Variants in KCNIP4 observed in about 807,000 individuals in gnomAD.
KCNIP4 encodes potassium voltage-gated channel interacting protein 4, also known as Kv channel-interacting protein 4.
Under a neutral mutation model 34.0 loss-of-function variants are expected in KCNIP4, and 12 were observed. The observed-to-expected ratio is 0.35, with a 90% confidence interval of 0.23 to 0.57. The LOEUF is 0.57. Ranked by LOEUF, KCNIP4 falls within the 20% of genes least tolerant of loss-of-function variation. The probability of loss-of-function intolerance (pLI) is 0.83; values close to 1 mark genes in which losing one functional copy is unlikely to be tolerated. For missense variants in KCNIP4, 238 were observed against 311.7 expected (o/e 0.76, Z 1.78); for synonymous variants, 124 against 102.2 (o/e 1.21, Z -1.29).
intron 1 of KCNIP4, among the ~76,000 whole-genome samples, chr4:20,923,060 G>C (rs550133518): frequency 9.7e-4 from 147 of 152,256 alleles, no homozygotes; most frequent in Non-Finnish European, 1.7e-3. Context: ...CAAAGGGAGT[G>C]ATTTGTCAAA....
intron 1 of KCNIP4, among the ~76,000 whole-genome samples, chr4:21,273,405 G>A (rs1762267239): frequency 6.6e-6 from 1 of 152,016 alleles, no homozygotes; most frequent in Admixed American, 6.6e-5. Flanking sequence ...CTTCCCTCCT[G>A]TATTATCCTA....
intron 2 of KCNIP4, among the ~76,000 whole-genome samples, chr4:20,874,683 C>CTTT (rs200107431): frequency 7.2e-6 from 1 of 138,434 alleles, no homozygotes; most frequent in Admixed American, 7.3e-5. Context: ...CACTTCATCT[C>CTTT]TTTTTTTTTT....
chr4:20,749,765 AG>A, intron 4 of KCNIP4, 33 bp from the exon 5 acceptor site: 1 of 1,455,214 alleles, frequency 6.9e-7, no homozygotes, highest in Non-Finnish European at 9.6e-7. Context: ...TCATTAAGTC[AG>A]TGTTTCCATA....
intron 1 of KCNIP4, among the ~76,000 whole-genome samples, chr4:21,346,215 T>TTA (rs200500839): frequency 0.28 from 1,786 of 6,404 alleles, 223 homozygotes; most frequent in Middle Eastern, 0.5. Flanking sequence ...ATAATATATA[T>TTA]TATATATAAT....
chr4:21,762,887 G>C (rs753836749), intron 1 of KCNIP4: 1 of 1,258,352 alleles, frequency 7.9e-7, no homozygotes, highest in Admixed American at 2.3e-5. Context: ...TGGGAGGGGG[G>C]TGTAGGTGGA....
At chr4:21,495,059 T>A (rs1732745745) in intron 1 of KCNIP4, among the ~76,000 whole-genome samples, 1 of 152,142 alleles carries the variant, frequency 6.6e-6, no homozygotes, top group African/African-American at 2.4e-5. Flanking sequence ...TATATATTTT[T>A]AAAAGCATCA....
At chr4:21,857,021 G>T (rs754163474) in intron 1 of KCNIP4, among the ~76,000 whole-genome samples, 12 of 152,172 alleles carry the variant, frequency 7.9e-5, no homozygotes, top group Non-Finnish European at 1.8e-4. Flanking sequence ...CATGAACAGT[G>T]GCAGGAGGCA....
intron 1 of KCNIP4, among the ~76,000 whole-genome samples, chr4:21,358,802 G>C (rs1262010421): frequency 6.6e-6 from 1 of 152,028 alleles, no homozygotes; most frequent in Non-Finnish European, 1.5e-5. Context: ...CTTTGGAAAG[G>C]CTCATCAGAA....
At chr4:20,758,647 T>C (rs1201173184) in intron 4 of KCNIP4, among the ~76,000 whole-genome samples, 174 bp downstream of exon 4, 1 of 152,244 alleles carries the variant, frequency 6.6e-6, no homozygotes, top group African/African-American at 2.4e-5. Context: ...TTTGATAATT[T>C]CTAAGTCGCT....
intron 1 of KCNIP4, among the ~76,000 whole-genome samples, chr4:21,106,518 A>G (rs1748552326): frequency 6.6e-6 from 1 of 151,232 alleles, no homozygotes; most frequent in Non-Finnish European, 1.5e-5. Flanking sequence ...CTAGCAGTCT[A>G]TCAATTTTGT....
intron 2 of KCNIP4, among the ~76,000 whole-genome samples, chr4:20,853,475 T>A (rs1721254068): frequency 1.3e-5 from 2 of 152,126 alleles, no homozygotes; most frequent in South Asian, 4.1e-4. Flanking sequence ...TTCTCTCACC[T>A]TATACAAAAA....
chr4:21,437,193 T>A (rs551614616), intron 1 of KCNIP4, among the ~76,000 whole-genome samples: 1 of 152,290 alleles, frequency 6.6e-6, no homozygotes, highest in Non-Finnish European at 1.5e-5. Context: ...CAGAAGGTAA[T>A]TGACTGTTTC....
intron 1 of KCNIP4, among the ~76,000 whole-genome samples, chr4:21,421,862 G>T (rs1276012342): frequency 6.6e-6 from 1 of 152,138 alleles, no homozygotes; most frequent in South Asian, 2.1e-4. Context: ...CTCTATATGA[G>T]AAGTCACTCT....
At chr4:20,854,723 A>C (rs140852478) in intron 2 of KCNIP4, among the ~76,000 whole-genome samples, 1,705 of 152,276 alleles carry the variant, frequency 0.011, 28 homozygotes, top group African/African-American at 0.039. Flanking sequence ...ACAAAATAAA[A>C]TGTTCATATT....
chr4:21,818,326 C>G (rs895991575), intron 1 of KCNIP4, among the ~76,000 whole-genome samples: 1 of 152,332 alleles, frequency 6.6e-6, no homozygotes, highest in South Asian at 2.1e-4. Context: ...CAGGGGGTAA[C>G]CCCAAACTCA....
At chr4:21,135,281 T>C (rs1751418577) in intron 1 of KCNIP4, among the ~76,000 whole-genome samples, 1 of 152,228 alleles carries the variant, frequency 6.6e-6, no homozygotes, top group African/African-American at 2.4e-5. Context: ...TTCAAAATGA[T>C]ATGGACTGGT....
chr4:21,177,858 T>TTATATATATATATATATA (rs3080785), intron 1 of KCNIP4, among the ~76,000 whole-genome samples: 83 of 139,300 alleles, frequency 6.0e-4, no homozygotes, highest in African/African-American at 2.1e-3. Context: ...AAAAAAAAAA[T>TTATATATATATATATATA]TATATATATA....
chr4:20,845,696 G>A (rs937358872), intron 3 of KCNIP4, among the ~76,000 whole-genome samples: 36 of 152,184 alleles, frequency 2.4e-4, no homozygotes, highest in Admixed American at 5.2e-4. Flanking sequence ...TGGCTTTGAA[G>A]AATCCAGCTG....
At chr4:21,017,370 T>G (rs984883725) in intron 1 of KCNIP4, among the ~76,000 whole-genome samples, 10 of 152,134 alleles carry the variant, frequency 6.6e-5, no homozygotes, top group African/African-American at 2.2e-4. Context: ...GGCTCTAGTG[T>G]GTGTTGTTCT....
Sources: gnomAD v4.1 joint callset for allele counts (sites outside exome capture counted in the v4.1 genomes callset) on GRCh38, gnomAD v4.1.1 for gene constraint, MANE v1.5 for transcripts, NCBI Gene and HGNC (gene_info 2026-07-23, HGNC 2026-07-21) for gene names.